Variants in SPAG16 observed in about 807,000 individuals in gnomAD.
SPAG16 encodes sperm-associated antigen 16 protein.
SPAG16 carries 86 observed loss-of-function variants against 80.4 expected under a neutral mutation model. The ratio of observed to expected loss-of-function variants is 1.07; its 90% confidence interval spans 0.90 to 1.28. SPAG16 has a LOEUF of 1.28. Ranked by LOEUF, SPAG16 falls within the 50% of genes most tolerant of loss-of-function variation. The pLI is 0.00. For missense variants in SPAG16, 870 were observed against 765.3 expected (o/e 1.14, Z -1.61); for synonymous variants, 294 against 265.9 (o/e 1.11, Z -1.03).
At chr2:213,317,470 T>A in intron 5 of SPAG16, 114 bp downstream of exon 5, 1 of 1,364,582 alleles carries the variant, frequency 7.3e-7, no homozygotes, top group Non-Finnish European at 9.5e-7. Flanking sequence ...AACTGAATTT[T>A]TCTAGTTGTA....
chr2:213,815,547 A>G (rs1476013116), intron 10 of SPAG16, among the ~76,000 whole-genome samples: 2 of 152,098 alleles, frequency 1.3e-5, no homozygotes, highest in South Asian at 2.1e-4. Context: ...ATTTTATACA[A>G]TTAGACTCCC....
At chr2:213,470,707 C>T (rs556120846) in intron 9 of SPAG16, among the ~76,000 whole-genome samples, 23 of 152,222 alleles carry the variant, frequency 1.5e-4, no homozygotes, top group Admixed American at 2.6e-4. Context: ...CTCATGGGCC[C>T]ATTGGGCCAT....
chr2:213,931,073 T>A (rs115930594), intron 12 of SPAG16, among the ~76,000 whole-genome samples: 437 of 137,334 alleles, frequency 3.2e-3, no homozygotes, highest in African/African-American at 0.01. Context: ...TTGAAGTTGT[T>A]ATCTCCATGA....
chr2:213,986,804 A>G (rs1275069502), intron 12 of SPAG16, among the ~76,000 whole-genome samples: 1 of 151,444 alleles, frequency 6.6e-6, no homozygotes, highest in Non-Finnish European at 1.5e-5. Flanking sequence ...TAGCACTTTA[A>G]TAAAACATAG....
At chr2:213,647,754 C>A (rs895439285) in intron 10 of SPAG16, among the ~76,000 whole-genome samples, 3 of 152,214 alleles carry the variant, frequency 2.0e-5, no homozygotes, top group Admixed American at 1.3e-4. Flanking sequence ...TCTGTCTCAG[C>A]CTAATCTAAA....
At chr2:214,180,116 T>C (rs569194653) in intron 15 of SPAG16, among the ~76,000 whole-genome samples, 18 of 151,752 alleles carry the variant, frequency 1.2e-4, no homozygotes, top group African/African-American at 4.1e-4. Flanking sequence ...AATATGACAA[T>C]GTATATTTTA....
At chr2:214,283,040 C>G (rs1693077072) in intron 15 of SPAG16, among the ~76,000 whole-genome samples, 1 of 151,934 alleles carries the variant, frequency 6.6e-6, no homozygotes, top group Non-Finnish European at 1.5e-5. Flanking sequence ...TGACAGCAAC[C>G]AATACTCTAA....
At chr2:214,243,054 G>T (rs368292093) in intron 15 of SPAG16, among the ~76,000 whole-genome samples, 6 of 152,224 alleles carry the variant, frequency 3.9e-5, no homozygotes, top group Admixed American at 1.3e-4. Context: ...CTGTATAAGA[G>T]CCTGAGGCAT....
chr2:214,096,416 A>G (rs1473915946), intron 13 of SPAG16, among the ~76,000 whole-genome samples: 4 of 152,070 alleles, frequency 2.6e-5, no homozygotes, highest in Non-Finnish European at 5.9e-5. Flanking sequence ...ATTTTCATCA[A>G]AAGGAATCCC....
At chr2:213,379,376 A>T (rs1427312700) in intron 9 of SPAG16, among the ~76,000 whole-genome samples, 1 of 152,188 alleles carries the variant, frequency 6.6e-6, no homozygotes, top group African/African-American at 2.4e-5. Flanking sequence ...GTGACTTCAA[A>T]AGGCAATTCT....
At chr2:214,119,734 T>A (rs1459293660) in intron 14 of SPAG16, among the ~76,000 whole-genome samples, 9 of 152,118 alleles carry the variant, frequency 5.9e-5, no homozygotes, top group Non-Finnish European at 1.3e-4. Context: ...TTTTCTCTCC[T>A]TCCTGCAGGG....
At chr2:213,315,058 A>G (rs2063344875) in intron 4 of SPAG16, among the ~76,000 whole-genome samples, 1 of 151,976 alleles carries the variant, frequency 6.6e-6, no homozygotes, top group Non-Finnish European at 1.5e-5. Flanking sequence ...ATAATATGAA[A>G]CTACTGATAA....
chr2:214,352,902 CTTACACATAG>C (rs1698519064), intron 15 of SPAG16, among the ~76,000 whole-genome samples: 1 of 151,994 alleles, frequency 6.6e-6, no homozygotes, highest in South Asian at 2.1e-4. Context: ...ACAGAGAGAC[CTTACACATAG>C]TTACTATACT....
chr2:213,395,197 G>A (rs559121461), intron 9 of SPAG16, among the ~76,000 whole-genome samples: 5 of 151,530 alleles, frequency 3.3e-5, no homozygotes, highest in African/African-American at 1.2e-4. Context: ...GTAAACTTTT[G>A]TATTAATTTC....
At chr2:213,915,177 T>C (rs749346731) in intron 11 of SPAG16, among the ~76,000 whole-genome samples, 5 of 152,116 alleles carry the variant, frequency 3.3e-5, no homozygotes, top group Non-Finnish European at 7.4e-5. Flanking sequence ...ATGTGCAGAA[T>C]GTGCAGGTTT....
intron 15 of SPAG16, chr2:214,238,203 C>T (rs1245463041): frequency 2.3e-6 from 1 of 435,004 alleles, no homozygotes; most frequent in African/African-American, 2.0e-5. Flanking sequence ...GATGTTACCT[C>T]AAATTGAAGT....
chr2:213,922,807 T>G (rs1015671768), intron 11 of SPAG16, among the ~76,000 whole-genome samples: 59 of 152,322 alleles, frequency 3.9e-4, no homozygotes, highest in African/African-American at 1.4e-3. Context: ...GGTGGCACCC[T>G]CTATGATTAC....
At chr2:214,266,819 A>C (rs80178691) in intron 15 of SPAG16, among the ~76,000 whole-genome samples, 2,607 of 151,918 alleles carry the variant, frequency 0.017, 21 homozygotes, top group Non-Finnish European at 0.022. Context: ...AAAAAAATTA[A>C]GAAAACAGTC....
intron 15 of SPAG16, among the ~76,000 whole-genome samples, chr2:214,328,862 G>A (rs78028021): frequency 0.074 from 11,186 of 152,066 alleles, 489 homozygotes; most frequent in East Asian, 0.12. Context: ...CTACTTATTA[G>A]GTTCTAGGCA....
Sources: allele counts gnomAD v4.1 joint callset (sites outside exome capture counted in the v4.1 genomes callset), GRCh38; gene constraint gnomAD v4.1.1; transcripts MANE v1.5; gene names NCBI Gene and HGNC (gene_info 2026-07-23, HGNC 2026-07-21).